Variants in TMEM132B observed in about 807,000 individuals in gnomAD.
TMEM132B encodes the protein transmembrane protein 132B.
TMEM132B carries 18 observed loss-of-function variants against 90.8 expected under a neutral mutation model. The ratio of observed to expected loss-of-function variants is 0.20; its 90% confidence interval spans 0.14 to 0.29. TMEM132B has a LOEUF of 0.29. Ranked by LOEUF, TMEM132B falls within the 10% of genes least tolerant of loss-of-function variation. The pLI, the probability that TMEM132B is intolerant of heterozygous loss-of-function variation, is 1.00. For synonymous variants in TMEM132B, 504 were observed against 523.3 expected, an observed-to-expected ratio of 0.96 and a Z score of 0.50; for missense variants, 1,096 against 1,326.8, an observed-to-expected ratio of 0.83 and a Z score of 2.70.
chr12:125,255,240 C>G (rs530207931), intron 1 of TMEM132B, among the ~76,000 whole-genome samples: 1 of 151,762 alleles, frequency 6.6e-6, no homozygotes, highest in African/African-American at 2.4e-5. Flanking sequence ...TCTCTCTTCT[C>G]TCTCCTCTCT....
chr12:125,331,181 T>C (rs10846874), intron 1 of TMEM132B, among the ~76,000 whole-genome samples: 79,396 of 152,070 alleles, frequency 0.52, 22,458 homozygotes, highest in African/African-American at 0.75. Flanking sequence ...GAGGGCCTGG[T>C]CCGGGTGGGC....
rs535187538 is a variant in TMEM132B, at chr12:125,445,727, G to A, written c.1106+30050G>A. 2.7e-4 allele frequency among the ~76,000 whole-genome samples: 41 copies of A among 152,260 alleles called. No individual in the cohort carries two copies. The highest frequency in any genetic ancestry group is 5.4e-4 in the Non-Finnish European group (37 of 68,006). On this transcript the variant is annotated intron_variant, in intron 3 of 8. Transcript: ENST00000682704. The surrounding 1 kb of genome is among the most constrained non-coding windows in gnomAD (Gnocchi z 4.3). ...TCTAGTGTGGACACTGTGCACCCCA[G>A]GCCTTGTGCTGCCCTGACACCCTCT... is the stretch of plus-strand genomic sequence containing the variant.
At position 125,386,059 on chromosome 12, in the gene TMEM132B, C is replaced by G. The variant is rs979435542; in HGVS notation, c.960-29472C>G. Among the ~76,000 whole-genome samples, 33 of 152,126 alleles carry G rather than the reference C, an allele frequency of 2.2e-4. 1 individual carries two copies. ...CCAGGTTGGAGTGCAGTGGCAAGAT[C>G]AAGGCTCACTGCAACCTCTGCCTCC... On this transcript the variant is annotated intron_variant, in intron 2 of 8. Transcript: ENST00000682704.
At chr12:125,394,481 T>C (rs527319260) in intron 2 of TMEM132B, among the ~76,000 whole-genome samples, 122 of 152,314 alleles carry the variant, frequency 8.0e-4, no homozygotes, top group African/African-American at 2.8e-3. Context: ...ACTTATTGAT[T>C]GACTTGGGTG....
chr12:125,325,593 T>C (rs998660894), intron 1 of TMEM132B, among the ~76,000 whole-genome samples: 2 of 152,134 alleles, frequency 1.3e-5, no homozygotes, highest in African/African-American at 4.8e-5. Context: ...GGGGCCTCCA[T>C]TTTTCTGATC....
At chr12:125,652,138 T>A (rs1041292048) in intron 7 of TMEM132B, among the ~76,000 whole-genome samples, 2 of 152,226 alleles carry the variant, frequency 1.3e-5, no homozygotes, top group Admixed American at 6.5e-5. Flanking sequence ...GCTCTTTGAG[T>A]ACCTAATATC....
In TMEM132B at chr12:125,212,377, A is replaced by C. The variant is rs1369593937; in HGVS notation, c.67+25511A>C. ...TTTTTTGTAGAGACAGGGTCTTGCT[A>C]TATTGCACAGTCTGGTCTCAAATTC... On this transcript the variant is annotated intron_variant, in intron 1 of 8. Transcript: ENST00000682704. 2.6e-5 allele frequency among the ~76,000 whole-genome samples: 4 copies of C among 152,022 alleles called. No individual in the cohort carries two copies. In the South Asian group the frequency reaches 6.2e-4, roughly 24 times the overall value.
intron 2 of TMEM132B, among the ~76,000 whole-genome samples, chr12:125,400,834 C>G (rs1879298143): frequency 6.6e-6 from 1 of 152,196 alleles, no homozygotes; most frequent in South Asian, 2.1e-4. Context: ...GGGTGTTGAA[C>G]CTCTTTTGCA....
At chr12:125,309,273 A>G (rs1217237635) in intron 1 of TMEM132B, among the ~76,000 whole-genome samples, 1 of 152,244 alleles carries the variant, frequency 6.6e-6, no homozygotes, top group Non-Finnish European at 1.5e-5. Flanking sequence ...AGCCTTGAAA[A>G]GAAAAATATC....
intron 3 of TMEM132B, among the ~76,000 whole-genome samples, chr12:125,425,344 GGAAA>G (rs1192921987): frequency 2.0e-5 from 3 of 152,082 alleles, no homozygotes; most frequent in Non-Finnish European, 4.4e-5. Context: ...AGAATTGAGT[GGAAA>G]GAAAGTATAG....
chr12:125,320,051 A>ACAATT (rs751500358), intron 1 of TMEM132B, among the ~76,000 whole-genome samples: 77 of 150,190 alleles, frequency 5.1e-4, no homozygotes, highest in Non-Finnish European at 9.6e-4. Context: ...CTAGGGCAGC[A>ACAATT]CAATTCACCT....
intron 4 of TMEM132B, among the ~76,000 whole-genome samples, chr12:125,567,036 GT>G (rs1884676230): frequency 1.3e-5 from 2 of 151,858 alleles, no homozygotes; most frequent in African/African-American, 4.8e-5. Flanking sequence ...TAGAGATGGG[GT>G]TTCACCATGT....
At chr12:125,628,108 C>T (rs942539895) in intron 5 of TMEM132B, among the ~76,000 whole-genome samples, 10 of 152,220 alleles carry the variant, frequency 6.6e-5, no homozygotes, top group Admixed American at 6.5e-4. Context: ...CTGCAACAAA[C>T]GTGGGAGTGC....
At chr12:125,371,891 A>G (rs1218417170) in intron 2 of TMEM132B, among the ~76,000 whole-genome samples, 2 of 152,204 alleles carry the variant, frequency 1.3e-5, no homozygotes, top group Admixed American at 6.5e-5. Flanking sequence ...ATAGCATACC[A>G]TTTATCTCTC....
At chr12:125,465,659 C>T (rs1185543259) in intron 3 of TMEM132B, among the ~76,000 whole-genome samples, 2 of 152,220 alleles carry the variant, frequency 1.3e-5, no homozygotes, top group African/African-American at 2.4e-5. Context: ...GCTGCATCTC[C>T]AGTGGACACA....
At chr12:125,588,211 A>G (rs1405885916) in intron 5 of TMEM132B, 1 of 152,200 alleles carries the variant, frequency 6.6e-6, no homozygotes, top group Non-Finnish European at 1.5e-5. Flanking sequence ...ATTACTTACC[A>G]TCTCTGAGCC....
chr12:125,614,806 T>C (rs1182362606), intron 5 of TMEM132B, among the ~76,000 whole-genome samples: 1 of 152,190 alleles, frequency 6.6e-6, no homozygotes, highest in Non-Finnish European at 1.5e-5. Flanking sequence ...CAGATTACTG[T>C]CTAGGTAACT....
At chr12:125,515,713 C>T (rs532941180) in intron 3 of TMEM132B, among the ~76,000 whole-genome samples, 2 of 151,870 alleles carry the variant, frequency 1.3e-5, no homozygotes, top group Admixed American at 6.6e-5. Context: ...ACAACACATT[C>T]ACACGTTCTC....
At chr12:125,285,964 G>C (rs1363199777) in intron 1 of TMEM132B, among the ~76,000 whole-genome samples, 1 of 152,148 alleles carries the variant, frequency 6.6e-6, no homozygotes, top group Non-Finnish European at 1.5e-5. Context: ...GGTAAGAGAG[G>C]CAAGAGCATT....
Sources: allele counts gnomAD v4.1 joint callset (sites outside exome capture counted in the v4.1 genomes callset), GRCh38; gene constraint gnomAD v4.1.1; non-coding constraint Gnocchi (gnomAD v3.1); transcripts MANE v1.5; gene names NCBI Gene and HGNC (gene_info 2026-07-23, HGNC 2026-07-21).